Variants in HORMAD2 observed in about 807,000 individuals in gnomAD.
The protein encoded by HORMAD2 is HORMA domain-containing protein 2.
Under a neutral mutation model 38.8 loss-of-function variants are expected in HORMAD2, and 45 were observed. That is an observed-to-expected ratio of 1.16 (90% confidence interval 0.91 to 1.49). HORMAD2 has a LOEUF of 1.49. HORMAD2 is among the 40% of genes most tolerant of loss of function. HORMAD2 has a pLI of 0.00. For synonymous variants in HORMAD2, 126 were observed against 122.8 expected (o/e 1.03, Z -0.17); for missense variants, 338 against 367.0 (o/e 0.92, Z 0.65).
chr22:30,162,749 C>CTGGA (rs1182022062), intron 10 of HORMAD2, among the ~76,000 whole-genome samples: 22 of 140,926 alleles, frequency 1.6e-4, no homozygotes, highest in Admixed American at 2.2e-4. Flanking sequence ...GTCGCCCAGG[C>CTGGA]TGGAGTGCAG....
At chr22:30,181,858 T>A (rs767287068), downstream of HORMAD2, among the ~76,000 whole-genome samples, 4 of 152,222 alleles carry the variant, frequency 2.6e-5, no homozygotes, top group Admixed American at 6.5e-5. Context: ...AACTGTCAGA[T>A]GGTGACTGCT....
At chr22:30,146,356 C>T (rs1030116944) in intron 10 of HORMAD2, among the ~76,000 whole-genome samples, 1 of 151,938 alleles carries the variant, frequency 6.6e-6, no homozygotes, top group Non-Finnish European at 1.5e-5. Flanking sequence ...TTAGCCATGC[C>T]TGGGGGCGCG....
intron 1 of HORMAD2, among the ~76,000 whole-genome samples, chr22:30,088,825 A>C (rs1315133373): frequency 6.6e-6 from 1 of 151,980 alleles, no homozygotes; most frequent in Non-Finnish European, 1.5e-5. Flanking sequence ...TAACTACCCC[A>C]GTAGTGGGTA....
chr22:30,143,583 CTTG>C (rs1490243567), intron 10 of HORMAD2, among the ~76,000 whole-genome samples: 3 of 151,992 alleles, frequency 2.0e-5, no homozygotes, highest in East Asian at 1.9e-4. Context: ...TCATTTTTCT[CTTG>C]TTGTTTTTAA....
intron 7 of HORMAD2, among the ~76,000 whole-genome samples, chr22:30,117,928 C>T (rs1922168958): frequency 6.6e-6 from 1 of 152,166 alleles, no homozygotes; most frequent in Admixed American, 6.5e-5. Flanking sequence ...ATCTAGTTTT[C>T]AGTGCAGGAC....
downstream of HORMAD2, among the ~76,000 whole-genome samples, chr22:30,180,274 G>T (rs182445754): frequency 1.3e-3 from 194 of 152,268 alleles, 1 homozygote; most frequent in African/African-American, 4.6e-3. Context: ...GGAGAGGCAG[G>T]CTGCTTGAGA....
the HORMAD2 span, among the ~76,000 whole-genome samples, chr22:30,201,055 TG>T: frequency 1.3e-5 from 2 of 151,860 alleles, no homozygotes. Flanking sequence ...CGGCCAGAAA[TG>T]TATTCTTTTA....
chr22:30,200,696 T>A, the HORMAD2 span, among the ~76,000 whole-genome samples: 22 of 151,440 alleles, frequency 1.5e-4, no homozygotes, highest in Admixed American at 4.0e-4. Context: ...TGTCATAAAG[T>A]ACCACAAACT....
chr22:30,173,058 C>A (rs181696193), intron 10 of HORMAD2, among the ~76,000 whole-genome samples: 2 of 152,192 alleles, frequency 1.3e-5, no homozygotes, highest in East Asian at 3.9e-4. Flanking sequence ...GGAACTGCCC[C>A]TGAACCAAAT....
chr22:30,110,112 T>C (rs535398340), intron 5 of HORMAD2, among the ~76,000 whole-genome samples: 1 of 152,260 alleles, frequency 6.6e-6, no homozygotes, highest in South Asian at 2.1e-4. Context: ...GTGTGACAAG[T>C]ATTTATATAG....
chr22:30,174,123 G>A (rs1030345984), intron 10 of HORMAD2, among the ~76,000 whole-genome samples: 2 of 152,166 alleles, frequency 1.3e-5, no homozygotes, highest in Admixed American at 6.6e-5. Flanking sequence ...GTAGCGTCTT[G>A]TTAGTCTGCA....
At chr22:30,152,560 G>A (rs2146201515) in intron 10 of HORMAD2, among the ~76,000 whole-genome samples, 1 of 152,144 alleles carries the variant, frequency 6.6e-6, no homozygotes, top group East Asian at 1.9e-4. Context: ...TGAACTCCTG[G>A]GCTCAAGCAA....
chr22:30,160,200 A>T (rs572265300), intron 10 of HORMAD2, among the ~76,000 whole-genome samples: 1 of 151,658 alleles, frequency 6.6e-6, no homozygotes, highest in East Asian at 2.0e-4. Flanking sequence ...TATCACCACC[A>T]TAGCACTTAG....
chr22:30,177,877 G>C (rs952542388), downstream of HORMAD2, among the ~76,000 whole-genome samples: 1 of 151,768 alleles, frequency 6.6e-6, no homozygotes, highest in Non-Finnish European at 1.5e-5. Context: ...ATGGGGGTTC[G>C]CCATGTTGCC....
At chr22:30,201,077 G>A in the HORMAD2 span, among the ~76,000 whole-genome samples, 1 of 152,136 alleles carries the variant, frequency 6.6e-6, no homozygotes, top group African/African-American at 2.4e-5. Context: ...CAGTTCTGAA[G>A]GCTGGAAATC....
At chr22:30,151,039 C>T (rs1569112025) in intron 10 of HORMAD2, among the ~76,000 whole-genome samples, 1 of 152,192 alleles carries the variant, frequency 6.6e-6, no homozygotes, top group Non-Finnish European at 1.5e-5. Context: ...CCTACCCTCT[C>T]TATCTCCTCT....
chr22:30,156,035 C>G (rs1215314324), intron 10 of HORMAD2, among the ~76,000 whole-genome samples: 1 of 152,206 alleles, frequency 6.6e-6, no homozygotes, highest in African/African-American at 2.4e-5. Context: ...GGCTCCAACT[C>G]TGGCATTCCC....
At chr22:30,083,976 G>A (rs2068528142) in intron 1 of HORMAD2, among the ~76,000 whole-genome samples, 2 of 152,114 alleles carry the variant, frequency 1.3e-5, no homozygotes, top group South Asian at 4.1e-4. Flanking sequence ...ATTTCATTTT[G>A]GAGAGTCAGT....
intron 10 of HORMAD2, among the ~76,000 whole-genome samples, chr22:30,164,913 A>G (rs1373391731): frequency 1.3e-5 from 2 of 152,206 alleles, no homozygotes; most frequent in African/African-American, 4.8e-5. Context: ...TGCCTTCTTG[A>G]TAATAGCATC....
Sources: allele counts gnomAD v4.1 joint callset (sites outside exome capture counted in the v4.1 genomes callset), GRCh38; gene constraint gnomAD v4.1.1; transcripts MANE v1.5; gene names NCBI Gene and HGNC (gene_info 2026-07-23, HGNC 2026-07-21).